ZFAND3: variants seen among roughly 807,000 people sequenced by gnomAD.
The protein encoded by ZFAND3 is zinc finger AN1-type containing 3.
A neutral mutation model predicts 29.6 loss-of-function variants in ZFAND3; 10 were observed. The ratio of observed to expected loss-of-function variants is 0.34; its 90% CI spans 0.21 to 0.57. The LOEUF (loss-of-function observed/expected upper bound fraction) is 0.57, where lower values mean the gene tolerates loss of function less well. Among genes scored for constraint, ZFAND3 ranks in the 20% least tolerant of loss-of-function variants. ZFAND3 has a pLI of 0.86. For missense variants in ZFAND3, 230 were observed against 304.5 expected (o/e 0.76, Z 1.82); for synonymous variants, 128 against 112.6 (o/e 1.14, Z -0.87).
intron 4 of ZFAND3, 30 bp from the exon 5 acceptor site, chr6:38,116,542 C>G (rs754146464): frequency 6.3e-7 from 1 of 1,589,712 alleles, no homozygotes; most frequent in Admixed American, 1.7e-5. Context: ...AGGCACTAAT[C>G]CTGATCCCCA....
chr6:37,886,280 A>AAAAAAAAAAAAAAAAAAAAAAC (rs1561922411), intron 1 of ZFAND3, among the ~76,000 whole-genome samples: 1 of 128,866 alleles, frequency 7.8e-6, no homozygotes, highest in African/African-American at 3.0e-5. Flanking sequence ...AAAAAAAAAA[A>AAAAAAAAAAAAAAAAAAAAAAC]AGTTCAAAGA....
chr6:37,982,081 G>A (rs1443419682), intron 2 of ZFAND3, among the ~76,000 whole-genome samples: 7 of 152,102 alleles, frequency 4.6e-5, no homozygotes, highest in Non-Finnish European at 1.5e-5. Context: ...AAACAATAGG[G>A]CAAAGGAAGC....
intron 1 of ZFAND3, among the ~76,000 whole-genome samples, chr6:37,924,792 G>A (rs1761452151): frequency 6.6e-6 from 1 of 151,740 alleles, no homozygotes; most frequent in African/African-American, 2.4e-5. Context: ...TCTGGTCTGG[G>A]CAACAGAATG....
At chr6:38,035,346 A>G (rs561888476) in intron 2 of ZFAND3, among the ~76,000 whole-genome samples, 5 of 152,164 alleles carry the variant, frequency 3.3e-5, no homozygotes, top group Non-Finnish European at 7.4e-5. Context: ...TCTTTTTAAC[A>G]AAGGGTTCCC....
intron 2 of ZFAND3, among the ~76,000 whole-genome samples, chr6:38,012,548 T>A (rs1161610895): frequency 6.6e-6 from 1 of 151,956 alleles, no homozygotes; most frequent in Non-Finnish European, 1.5e-5. Context: ...CTGGCTAATT[T>A]TTGTGTTTTT....
intron 2 of ZFAND3, among the ~76,000 whole-genome samples, chr6:38,007,546 A>G (rs567584107): frequency 1.3e-5 from 2 of 152,212 alleles, no homozygotes; most frequent in African/African-American, 4.8e-5. Flanking sequence ...CCCTGTTTCA[A>G]TTTAAAAAAA....
intron 1 of ZFAND3, among the ~76,000 whole-genome samples, chr6:37,888,944 C>G (rs554327641): frequency 6.6e-6 from 1 of 152,264 alleles, no homozygotes; most frequent in African/African-American, 2.4e-5. Context: ...GCTCTCTGTT[C>G]CTGTATTTAT....
rs571923910 is a variant in ZFAND3 at position 37,863,705 on chromosome 6, A to T, written c.71+43689A>T. 3.8e-4 allele frequency among the ~76,000 whole-genome samples: 58 copies of T among 152,254 alleles called. 2 individuals carry two copies. The South Asian group carries it at 0.012, about 31-fold the overall frequency. On this transcript the variant is annotated intron_variant, in intron 1 of 5. Transcript: ENST00000287218. ...TGGCTTTGATTATAGTATCCACTTAATTAGGACCAGGCAGTCAGTCATCTG... is the reference window on the plus strand; with the variant it reads ...TGGCTTTGATTATAGTATCCACTTATTTAGGACCAGGCAGTCAGTCATCTG...
At chr6:38,036,819 T>G (rs1763666455) in intron 2 of ZFAND3, among the ~76,000 whole-genome samples, 1 of 152,176 alleles carries the variant, frequency 6.6e-6, no homozygotes, top group Non-Finnish European at 1.5e-5. Flanking sequence ...TAACTATGTT[T>G]TCCAGGCTGG....
chr6:37,899,010 C>G (rs1352639929), intron 1 of ZFAND3, among the ~76,000 whole-genome samples: 2 of 152,194 alleles, frequency 1.3e-5, no homozygotes, highest in Non-Finnish European at 2.9e-5. Flanking sequence ...ATTCTCCTAC[C>G]TCAGCCTCGC....
chr6:38,102,486 A>G (rs1057460029), intron 4 of ZFAND3, among the ~76,000 whole-genome samples: 4 of 152,172 alleles, frequency 2.6e-5, no homozygotes, highest in East Asian at 1.9e-4. Flanking sequence ...CAAAGGACTC[A>G]GGGCCAGATT....
At position 37,991,634 on chromosome 6, in the gene ZFAND3, T is replaced by C. The variant is rs1762760340; in HGVS notation, c.112+61635T>C. Among the ~76,000 whole-genome samples, 3 of 152,318 alleles carry C rather than the reference T, an allele frequency of 2.0e-5. No homozygotes were observed. In the East Asian group the frequency reaches 5.8e-4, roughly 29 times the overall value. ...TCCCAAAGTGCTGGGGTTGTTGCAATTTTAATAAACAGGGAAATTTCACTT... is the reference window on the plus strand; with the variant it reads ...TCCCAAAGTGCTGGGGTTGTTGCAACTTTAATAAACAGGGAAATTTCACTT... On this transcript the variant is annotated intron_variant, in intron 2 of 5. Coordinates refer to ENST00000287218, the MANE Select transcript of ZFAND3 (RefSeq NM_021943.3).
At position 37,820,034 on chromosome 6, in the gene ZFAND3, T is replaced by A; in HGVS notation, c.71+18T>A. 1 of 582,368 alleles carries A rather than the reference T, an allele frequency of 1.7e-6. No individual in the cohort carries two copies. Among genetic ancestry groups the A allele is most frequent in the Non-Finnish European group, 2.4e-6 (1 of 422,392 alleles). The allele number at this position is 582,368 out of a possible 1,614,324, so 36.1% of individuals were successfully genotyped here. ...TTCTGGGGGTAAGTGCCCGGCCGGG[T>A]GGGGGCGGGGGGCGGGGGCCGGGGG... is the stretch of plus-strand genomic sequence containing the variant. On this transcript the variant is annotated intron_variant, in intron 1 of 5. Transcript: ENST00000287218.
Position 38,153,986 on chromosome 6 carries a change from C to T in ZFAND3, c.*1597C>T, listed in dbSNP as rs78437801. On this transcript the variant is annotated 3_prime_UTR_variant, in exon 6 of 6. Coordinates refer to ENST00000287218, the MANE Select transcript of ZFAND3 (RefSeq NM_021943.3). Reference sequence around the variant, plus strand: ...CAACTGCAAATGTTTTTTGATCCGACGTACTGAAATAGGAAGTCATGCTCT... The same window carrying T: ...CAACTGCAAATGTTTTTTGATCCGATGTACTGAAATAGGAAGTCATGCTCT... 0.022 allele frequency: 22,078 copies of T among 985,476 alleles called. 300 individuals carry two copies. Among genetic ancestry groups the T allele is most frequent in the Non-Finnish European group, 0.024 (20,296 of 829,938 alleles). 61.0% of individuals were successfully genotyped at this position (985,476 alleles called of 1,614,324 possible).
chr6:38,014,829 GC>G, intron 2 of ZFAND3, among the ~76,000 whole-genome samples: 1 of 152,278 alleles, frequency 6.6e-6, no homozygotes, highest in East Asian at 1.9e-4. Flanking sequence ...ATAGAGTTAA[GC>G]ATCAACCCAC....
chr6:38,152,084 T>G, intron 5 of ZFAND3, 151 bp from the exon 6 acceptor site: 1 of 673,530 alleles, frequency 1.5e-6, no homozygotes, highest in Non-Finnish European at 2.3e-6. Context: ...GGTGTTGGAG[T>G]GAGCTCTCTG....
chr6:38,074,167 TCTTTC>T (rs1486642400), intron 3 of ZFAND3, among the ~76,000 whole-genome samples: 8 of 152,284 alleles, frequency 5.3e-5, no homozygotes, highest in Admixed American at 5.2e-4. Flanking sequence ...ATCCATGAGA[TCTTTC>T]CTTTTCCAAC....
intron 2 of ZFAND3, among the ~76,000 whole-genome samples, chr6:37,940,702 C>G (rs1761796094): frequency 6.6e-6 from 1 of 152,138 alleles, no homozygotes; most frequent in Non-Finnish European, 1.5e-5. Context: ...ATGGCAAAAG[C>G]AGGAGCAAGA....
At chr6:38,023,480 A>G (rs1442563067) in intron 2 of ZFAND3, among the ~76,000 whole-genome samples, 2 of 152,168 alleles carry the variant, frequency 1.3e-5, no homozygotes, top group African/African-American at 2.4e-5. Context: ...CCATTCCACA[A>G]TGTGTATATA....
Sources: gnomAD v4.1 joint callset for allele counts (sites outside exome capture counted in the v4.1 genomes callset) on GRCh38, gnomAD v4.1.1 for gene constraint, MANE v1.5 for transcripts, NCBI Gene and HGNC (gene_info 2026-07-23, HGNC 2026-07-21) for gene names.